Variants in SLC13A3 observed in about 807,000 individuals in gnomAD.
SLC13A3 encodes the protein solute carrier family 13 member 3.
SLC13A3 carries 40 observed loss-of-function variants against 59.0 expected under a neutral mutation model. The ratio of observed to expected loss-of-function variants is 0.68; its 90% CI spans 0.53 to 0.88. SLC13A3 has a LOEUF of 0.88. SLC13A3 is among the 40% of genes least tolerant of loss of function. The pLI, the probability that SLC13A3 is intolerant of heterozygous loss-of-function variation, is 0.00. For synonymous variants in SLC13A3, 317 were observed against 330.3 expected, an observed-to-expected ratio of 0.96 and a Z score of 0.44; for missense variants, 699 against 783.2, an observed-to-expected ratio of 0.89 and a Z score of 1.28.
intron 6 of SLC13A3, among the ~76,000 whole-genome samples, chr20:46,590,035 C>G (rs1160286810): frequency 6.6e-6 from 1 of 152,042 alleles, no homozygotes; most frequent in Non-Finnish European, 1.5e-5. Context: ...AATATTACGT[C>G]AAAAACACAA....
chr20:46,627,426 G>A (rs1285336663), intron 1 of SLC13A3, among the ~76,000 whole-genome samples: 2 of 152,162 alleles, frequency 1.3e-5, no homozygotes, highest in African/African-American at 2.4e-5. Flanking sequence ...GGCGGGGACT[G>A]TGGTGAAGTG....
intron 12 of SLC13A3, among the ~76,000 whole-genome samples, chr20:46,561,955 C>T (rs1031257859): frequency 7.2e-5 from 11 of 152,168 alleles, no homozygotes; most frequent in South Asian, 4.1e-4. Context: ...CATCCCTGCC[C>T]GGGACTGGCT....
chr20:46,604,666 G>C (rs1007039639), intron 3 of SLC13A3, among the ~76,000 whole-genome samples: 1 of 152,114 alleles, frequency 6.6e-6, no homozygotes, highest in Admixed American at 6.5e-5. Context: ...TGTGCCTGGA[G>C]CTGGCCCTGT....
At chr20:46,570,210 ACT>A (rs1338696583) in intron 10 of SLC13A3, among the ~76,000 whole-genome samples, 8 of 152,132 alleles carry the variant, frequency 5.3e-5, no homozygotes, top group Non-Finnish European at 4.4e-5. Context: ...CACACGAAAC[ACT>A]CTCTGTACTT....
At chr20:46,620,191 A>G (rs925540055) in intron 1 of SLC13A3, among the ~76,000 whole-genome samples, 7 of 152,226 alleles carry the variant, frequency 4.6e-5, no homozygotes, top group Non-Finnish European at 7.3e-5. Context: ...TAAGTATGTT[A>G]TGTCTATTTG....
intron 1 of SLC13A3, among the ~76,000 whole-genome samples, chr20:46,679,483 G>A (rs1318891042): frequency 6.6e-6 from 1 of 152,246 alleles, no homozygotes; most frequent in Non-Finnish European, 1.5e-5. Context: ...GCGTGGTGGC[G>A]GGCGCCTGTA....
chr20:46,562,384 C>T lies in SLC13A3; in HGVS notation c.1632+1030G>A, dbSNP rs557438244. On this transcript the variant is annotated intron_variant, in intron 12 of 12. Transcript: ENST00000279027. ...ATTCCTCTCTTCCAGGCCTTTGTAC[C>T]TGCTGTGCCCTCCATTGGGACTGCT... Among the ~76,000 whole-genome samples the T allele has an allele frequency of 9.8e-4, 149 of 152,206 alleles. 4 individuals are homozygous for T. The South Asian group carries it at 0.029, about 30-fold the overall frequency.
chr20:46,644,006 C>T (rs2062870429), intron 1 of SLC13A3, among the ~76,000 whole-genome samples: 1 of 152,068 alleles, frequency 6.6e-6, no homozygotes, highest in African/African-American at 2.4e-5. Flanking sequence ...CCACTGCACA[C>T]CAGCCTGGGC....
intron 1 of SLC13A3, among the ~76,000 whole-genome samples, chr20:46,642,923 T>G (rs999903644): frequency 1.3e-5 from 2 of 151,794 alleles, no homozygotes; most frequent in African/African-American, 4.9e-5. Context: ...CAGCCTAATG[T>G]GGGCAGGGGT....
chr20:46,604,843 T>C (rs537141721), intron 3 of SLC13A3, among the ~76,000 whole-genome samples: 36 of 152,290 alleles, frequency 2.4e-4, no homozygotes, highest in African/African-American at 8.7e-4. Context: ...CACACTAAGG[T>C]TGGGGGCAAA....
At chr20:46,653,281 C>T (rs2062964621), upstream of SLC13A3, among the ~76,000 whole-genome samples, 1 of 152,132 alleles carries the variant, frequency 6.6e-6, no homozygotes, top group African/African-American at 2.4e-5. Context: ...CAAATTTTTC[C>T]TTTGGATGAT....
intron 12 of SLC13A3, 27 bp from the exon 13 acceptor site, chr20:46,560,225 G>C: frequency 6.2e-7 from 1 of 1,611,660 alleles, no homozygotes; most frequent in Non-Finnish European, 8.5e-7. Flanking sequence ...ACAGAGGGAG[G>C]GGTCAGCACC....
intron 1 of SLC13A3, among the ~76,000 whole-genome samples, chr20:46,642,807 A>T (rs1252953753): frequency 1.3e-5 from 2 of 152,170 alleles, no homozygotes; most frequent in Admixed American, 6.5e-5. Flanking sequence ...CGGAGTGTCC[A>T]GGGTCAGCAA....
At chr20:46,639,187 T>C (rs2062822804) in intron 1 of SLC13A3, among the ~76,000 whole-genome samples, 1 of 146,646 alleles carries the variant, frequency 6.8e-6, no homozygotes, top group Non-Finnish European at 1.5e-5. Context: ...CTCACGCCTG[T>C]AATCCTAGCA....
chr20:46,613,933 C>A, intron 1 of SLC13A3: 1 of 486,100 alleles, frequency 2.1e-6, no homozygotes, highest in Non-Finnish European at 3.6e-6. Flanking sequence ...GGTGGCATCA[C>A]CTTTCTAAGC....
intron 11 of SLC13A3, among the ~76,000 whole-genome samples, chr20:46,564,841 A>T (rs1028090239): frequency 1.3e-5 from 2 of 152,224 alleles, no homozygotes; most frequent in East Asian, 1.9e-4. Context: ...GGGCAGAGAG[A>T]TTGCTTAAAT....
chr20:46,613,946 C>T, intron 1 of SLC13A3: 1 of 472,910 alleles, frequency 2.1e-6, no homozygotes, highest in Non-Finnish European at 3.7e-6. Context: ...TTCTAAGCCT[C>T]ATTTTGCTCA....
chr20:46,683,421 G>C (rs2063163307), intron 1 of SLC13A3, among the ~76,000 whole-genome samples: 1 of 152,138 alleles, frequency 6.6e-6, no homozygotes, highest in Non-Finnish European at 1.5e-5. Context: ...CAGTAATAAA[G>C]AAATGGGCAA....
At position 46,651,364 on chromosome 20, in the gene SLC13A3, G is replaced by C; in HGVS notation, c.58C>G (p.Leu20Val). The stretch of plus-strand genomic sequence containing the variant: ...AGCAGCGCGAGCGGCGTGAACAGCA[G>C]CACCAGCAGCCGCCGCGCGCTCCAC... ...KVWSARRLLVLLFTPLALLPV... is the reference protein window; with the variant it reads ...KVWSARRLLVVLFTPLALLPV... Residue 20 changes from leucine (L) to valine (V), a missense_variant, in exon 1 of 13, where the codon CTG becomes GTG. Leu to Val is a conservative substitution (Grantham distance 32). Coordinates refer to ENST00000279027, the MANE Select transcript of SLC13A3 (RefSeq NM_022829.6). The C allele has an allele frequency of 6.6e-7, 1 of 1,511,936 alleles. No homozygotes were observed. The highest frequency in any genetic ancestry group is 8.8e-7 in the Non-Finnish European group (1 of 1,133,360). 93.7% of individuals were successfully genotyped at this position (1,511,936 alleles called of 1,614,324 possible).
Sources: gnomAD v4.1 joint callset for allele counts (sites outside exome capture counted in the v4.1 genomes callset) on GRCh38, gnomAD v4.1.1 for gene constraint, MANE v1.5 for transcripts, NCBI Gene and HGNC (gene_info 2026-07-23, HGNC 2026-07-21) for gene names.